SLC28A3: variants seen among roughly 807,000 people sequenced by gnomAD.
The protein encoded by SLC28A3 is solute carrier family 28 member 3.
A neutral mutation model predicts 84.2 loss-of-function variants in SLC28A3; 68 were observed. That is an observed-to-expected ratio of 0.81 (90% confidence interval 0.66 to 0.99). The LOEUF (loss-of-function observed/expected upper bound fraction) is 0.99. SLC28A3 is among the 50% of genes least tolerant of loss of function. The pLI, the probability that SLC28A3 is intolerant of heterozygous loss-of-function variation, is 0.00. For synonymous variants in SLC28A3, 267 were observed against 303.6 expected, an observed-to-expected ratio of 0.88 and a Z score of 1.25; for missense variants, 712 against 841.5, an observed-to-expected ratio of 0.85 and a Z score of 1.90.
In SLC28A3 at chr9:84,317,143, G is replaced by A. The variant is rs563837029; in HGVS notation, c.61-3689C>T. Among the ~76,000 whole-genome samples the A allele has an allele frequency of 2.0e-5, 3 of 152,250 alleles. No individual in the cohort carries two copies. The East Asian group carries it at 5.8e-4, about 29-fold the overall frequency. On this transcript the variant is annotated intron_variant, in intron 1 of 17. Transcript: ENST00000376238. ...GGGTTGTGTAGCCAGAAATGGCTGG[G>A]GTAGAATCTCAGCCCAGACTGTCCC...
At chr9:84,328,546 G>A (rs547494566) in intron 1 of SLC28A3, among the ~76,000 whole-genome samples, 2 of 152,148 alleles carry the variant, frequency 1.3e-5, no homozygotes, top group Admixed American at 1.3e-4. Flanking sequence ...ATCACCTGAG[G>A]TCAGGAGTTT....
chr9:84,365,921 A>G, the SLC28A3 span, among the ~76,000 whole-genome samples: 1 of 152,152 alleles, frequency 6.6e-6, no homozygotes, highest in African/African-American at 2.4e-5. Flanking sequence ...GTGGTGGCAC[A>G]TGCCTGTAAT....
chr9:84,278,047 G>C lies in SLC28A3; in HGVS notation c.*171C>G. 1.2e-6 allele frequency: 1 copy of C among 859,274 alleles called. No homozygotes were observed. Among genetic ancestry groups the C allele is most frequent in the South Asian group, 2.2e-5 (1 of 45,870 alleles). 53.2% of individuals were successfully genotyped at this position (859,274 alleles called of 1,614,324 possible). A position where few individuals can be genotyped will look rare whatever the true frequency, so the allele number is the denominator to read the frequency against. On this transcript the variant is annotated 3_prime_UTR_variant, in exon 18 of 18. Coordinates refer to ENST00000376238, the MANE Select transcript of SLC28A3 (RefSeq NM_001199633.2). The stretch of plus-strand genomic sequence containing the variant: ...GGCTGGTGGGGAGGGAGGGGAGGAG[G>C]AAAATGTTGTAGCTTTGAAGGTCCA...
chr9:84,324,748 G>A (rs1274805726), intron 1 of SLC28A3, among the ~76,000 whole-genome samples: 3 of 152,260 alleles, frequency 2.0e-5, no homozygotes, highest in East Asian at 1.9e-4. Context: ...GTGAATGACC[G>A]TACATCTTCA....
the SLC28A3 span, among the ~76,000 whole-genome samples, chr9:84,357,215 T>C: frequency 6.6e-6 from 1 of 152,202 alleles, no homozygotes; most frequent in East Asian, 1.9e-4. Context: ...GGGTTTTGAT[T>C]TGTCCACTGA....
At chr9:84,295,846 G>A (rs901401598) in intron 8 of SLC28A3, among the ~76,000 whole-genome samples, 5 of 152,086 alleles carry the variant, frequency 3.3e-5, no homozygotes, top group Non-Finnish European at 7.4e-5. Flanking sequence ...AGGACAATTT[G>A]TACAGGATCT....
At chr9:84,310,510 G>A in intron 2 of SLC28A3, 1 of 985,428 alleles carries the variant, frequency 1.0e-6, no homozygotes, top group Non-Finnish European at 1.2e-6. Context: ...AGGTGGAGCA[G>A]TTTGAGTGTG....
rs762133696 is a variant in SLC28A3, at chr9:84,278,252, G to T, written c.2042C>A (p.Thr681Asn). The T allele has an allele frequency of 1.9e-6, 3 of 1,614,020 alleles. No homozygotes were observed. Among genetic ancestry groups the T allele is most frequent in the Non-Finnish European group, 2.5e-6 (3 of 1,179,984 alleles). The part of the protein sequence containing the change: ...KGCCTLLNPS[T>N]FNCNGISNTF ...ATTAGAGATCCCATTGCAGTTAAAG[G>T]TCGATGGATTCAACAATGTGCAGCA... The change falls in exon 18 of 18, where the codon ACC becomes AAC. Residue 681 changes from threonine to asparagine, a missense_variant. Thr to Asn is a moderately conservative substitution (Grantham distance 65, BLOSUM62 0). Transcript: ENST00000376238.
chr9:84,320,616 A>T (rs1023811562), intron 1 of SLC28A3, among the ~76,000 whole-genome samples: 1 of 152,088 alleles, frequency 6.6e-6, no homozygotes, highest in Non-Finnish European at 1.5e-5. Flanking sequence ...ACAAATATTT[A>T]TTGCACACCT....
At chr9:84,292,831 G>A (rs11568419) in intron 9 of SLC28A3, 83 bp from the exon 10 acceptor site, 40 of 914,474 alleles carry the variant, frequency 4.4e-5, no homozygotes, top group Admixed American at 3.1e-5. Flanking sequence ...TCCTTAAACT[G>A]GTGTAAAATA....
At chr9:84,281,259 C>T (rs1428094080) in intron 14 of SLC28A3, among the ~76,000 whole-genome samples, 2 of 152,242 alleles carry the variant, frequency 1.3e-5, no homozygotes, top group African/African-American at 4.8e-5. Flanking sequence ...ATTCACATTA[C>T]ATTTACTTGA....
intron 4 of SLC28A3, among the ~76,000 whole-genome samples, chr9:84,304,332 G>A (rs1825722378): frequency 6.6e-6 from 1 of 152,172 alleles, no homozygotes; most frequent in Non-Finnish European, 1.5e-5. Context: ...GACCTTGGCT[G>A]TGCAGCAGCC....
At chr9:84,362,515 C>T in the SLC28A3 span, among the ~76,000 whole-genome samples, 419 of 152,074 alleles carry the variant, frequency 2.8e-3, 3 homozygotes, top group African/African-American at 9.6e-3. Flanking sequence ...GCCTGTAGTC[C>T]CAGCTACTTG....
chr9:84,337,481 T>C (rs1307309580), intron 1 of SLC28A3, among the ~76,000 whole-genome samples: 1 of 152,120 alleles, frequency 6.6e-6, no homozygotes, highest in East Asian at 1.9e-4. Flanking sequence ...TGTGAGTGTT[T>C]GCACACGTGT....
intron 3 of SLC28A3, among the ~76,000 whole-genome samples, chr9:84,308,128 C>A (rs1250932235): frequency 1.3e-5 from 2 of 152,196 alleles, no homozygotes; most frequent in East Asian, 1.9e-4. Context: ...GTAGTCCCAG[C>A]TACTTGCGAG....
At chr9:84,363,033 TA>T in the SLC28A3 span, among the ~76,000 whole-genome samples, 1 of 152,218 alleles carries the variant, frequency 6.6e-6, no homozygotes, top group Non-Finnish European at 1.5e-5. Flanking sequence ...GAGCTCCAGA[TA>T]TGACAGTACC....
At chr9:84,333,381 A>G (rs923819975) in intron 1 of SLC28A3, among the ~76,000 whole-genome samples, 3 of 152,172 alleles carry the variant, frequency 2.0e-5, no homozygotes, top group Non-Finnish European at 4.4e-5. Context: ...AGGGGGAGAT[A>G]GGTATGCGTG....
At chr9:84,313,221 C>T (rs1826049876) in intron 2 of SLC28A3, 138 bp downstream of exon 2, 2 of 646,274 alleles carry the variant, frequency 3.1e-6, no homozygotes, top group Non-Finnish European at 2.6e-6. Context: ...GACTATGCCC[C>T]CACACACTTT....
the SLC28A3 span, among the ~76,000 whole-genome samples, chr9:84,368,212 C>T: frequency 6.6e-6 from 1 of 152,166 alleles, no homozygotes; most frequent in African/African-American, 2.4e-5. Context: ...AGCATACTGC[C>T]TGCAAACATA....
Sources: gnomAD v4.1 joint callset for allele counts (sites outside exome capture counted in the v4.1 genomes callset) on GRCh38, gnomAD v4.1.1 for gene constraint, MANE v1.5 for transcripts, NCBI Gene and HGNC (gene_info 2026-07-23, HGNC 2026-07-21) for gene names.